The following PCSK5 variants were observed in gnomAD, a reference collection of about 807,000 sequenced individuals.
PCSK5 encodes the protein prohormone convertase 5.
Under a neutral mutation model 233.2 loss-of-function variants are expected in PCSK5, and 129 were observed. That is an observed-to-expected ratio of 0.55 (90% CI 0.48 to 0.64). The LOEUF (loss-of-function observed/expected upper bound fraction) is 0.64, where lower values mean the gene tolerates loss of function less well. Among genes scored for constraint, PCSK5 ranks in the 30% least tolerant of loss-of-function variants. The pLI is 0.00. For synonymous variants in PCSK5, 825 were observed against 879.2 expected (o/e 0.94, Z 1.09); for missense variants, 2,076 against 2,430.1 (o/e 0.85, Z 3.06).
intron 5 of PCSK5, among the ~76,000 whole-genome samples, chr9:76,029,130 G>C (rs1828551860): frequency 6.6e-6 from 1 of 152,036 alleles, no homozygotes; most frequent in African/African-American, 2.4e-5. Flanking sequence ...CTTTGCTGCT[G>C]TCTGAGCTGT....
At chr9:76,212,533 A>G (rs1186212177) in intron 20 of PCSK5, among the ~76,000 whole-genome samples, 1 of 152,218 alleles carries the variant, frequency 6.6e-6, no homozygotes, top group Non-Finnish European at 1.5e-5. Flanking sequence ...CTACGCCAGG[A>G]GTTGCTTAGT....
intron 1 of PCSK5, among the ~76,000 whole-genome samples, chr9:75,913,798 CT>C (rs992370721): frequency 1.3e-5 from 2 of 151,084 alleles, no homozygotes; most frequent in Non-Finnish European, 3.0e-5. Flanking sequence ...TTTGGCATTC[CT>C]TTTTTTTTGT....
intron 1 of PCSK5, among the ~76,000 whole-genome samples, chr9:75,928,602 T>C (rs1285248704): frequency 9.9e-5 from 9 of 91,320 alleles, no homozygotes; most frequent in South Asian, 3.2e-4. Flanking sequence ...AATACATATA[T>C]ATATATATAT....
At chr9:76,226,342 G>A (rs1325308593) in intron 20 of PCSK5, among the ~76,000 whole-genome samples, 5 of 152,178 alleles carry the variant, frequency 3.3e-5, no homozygotes, top group African/African-American at 1.2e-4. Context: ...TTACATGCTA[G>A]CTGTACCAGT....
At chr9:76,070,857 GATTAA>G (rs1367378487) in intron 6 of PCSK5, among the ~76,000 whole-genome samples, 13 of 152,144 alleles carry the variant, frequency 8.5e-5, no homozygotes, top group South Asian at 6.2e-4. Context: ...TTTTCCTAAG[GATTAA>G]ATTTGGCCTG....
At chr9:75,960,653 C>T (rs1297666000) in intron 2 of PCSK5, among the ~76,000 whole-genome samples, 2 of 152,044 alleles carry the variant, frequency 1.3e-5, no homozygotes, top group Non-Finnish European at 2.9e-5. Context: ...TTTATTATTC[C>T]CTAAATTTAT....
chr9:75,986,039 C>T (rs1484387761), intron 2 of PCSK5, 93 bp from the exon 3 acceptor site: 5 of 748,272 alleles, frequency 6.7e-6, no homozygotes, highest in Non-Finnish European at 1.2e-5. Context: ...ACTTAAATAG[C>T]CTTGACTTAC....
chr9:76,361,939 TAAACTGG>T lies in PCSK5; in HGVS notation c.*3021_*3027del, dbSNP rs1484887077. On this transcript the variant is annotated 3_prime_UTR_variant, in exon 38 of 38. Transcript: ENST00000674117. ...AGACTGAGTTTGACATTTCTTTCTG[TAAACTGG>T]AAATTGTTTTCTATGAAAAAAAAAC... The T allele has an allele frequency of 6.6e-6, 1 of 152,208 alleles. No homozygotes were observed. The highest frequency in any genetic ancestry group is 2.4e-5 in the African/African-American group (1 of 41,464). The allele number at this position is 152,208 out of a possible 1,614,324, so 9.4% of individuals were successfully genotyped here.
At chr9:76,326,676 C>T (rs561383807) in intron 32 of PCSK5, among the ~76,000 whole-genome samples, 2 of 152,214 alleles carry the variant, frequency 1.3e-5, no homozygotes, top group Admixed American at 1.3e-4. Flanking sequence ...TGTATCCACC[C>T]AGGGAATGCT....
chr9:76,321,958 T>C (rs1254425451), intron 31 of PCSK5, among the ~76,000 whole-genome samples: 1 of 151,912 alleles, frequency 6.6e-6, no homozygotes, highest in Non-Finnish European at 1.5e-5. Flanking sequence ...TCATCTTTTT[T>C]TTTTCCTTGA....
At chr9:76,040,578 A>AT (rs1252585451) in intron 5 of PCSK5, among the ~76,000 whole-genome samples, 3 of 152,160 alleles carry the variant, frequency 2.0e-5, no homozygotes, top group Non-Finnish European at 4.4e-5. Flanking sequence ...ATTAAATGTC[A>AT]TTACCAGTGC....
At chr9:76,296,383 C>A (rs1329555204) in intron 26 of PCSK5, among the ~76,000 whole-genome samples, 2 of 152,120 alleles carry the variant, frequency 1.3e-5, no homozygotes, top group African/African-American at 2.4e-5. Context: ...CCCATCTCTA[C>A]TAAAAATATA....
intron 1 of PCSK5, among the ~76,000 whole-genome samples, chr9:75,894,040 C>T (rs952918785): frequency 3.9e-5 from 6 of 152,160 alleles, no homozygotes; most frequent in Non-Finnish European, 8.8e-5. Flanking sequence ...AGTAAACCAG[C>T]TGTGGATCAG....
chr9:76,180,894 GT>G (rs33951103), intron 15 of PCSK5, among the ~76,000 whole-genome samples: 55,242 of 143,188 alleles, frequency 0.39, 11,349 homozygotes, highest in African/African-American at 0.58. Context: ...AAACAAGGAA[GT>G]TTTTTTTTTT....
At chr9:76,111,367 T>C (rs576281930) in intron 9 of PCSK5, among the ~76,000 whole-genome samples, 2 of 152,332 alleles carry the variant, frequency 1.3e-5, no homozygotes, top group East Asian at 3.9e-4. Context: ...TGTTAAGCTC[T>C]ACAGCCACCT....
intron 9 of PCSK5, among the ~76,000 whole-genome samples, chr9:76,110,477 C>T (rs10781334): frequency 0.097 from 14,797 of 152,274 alleles, 1,090 homozygotes; most frequent in East Asian, 0.36. Context: ...ATGGGTAGGA[C>T]TGTGGTTCAT....
At chr9:75,902,214 TAAAAAAA>T (rs200579439) in intron 1 of PCSK5, among the ~76,000 whole-genome samples, 42 of 53,288 alleles carry the variant, frequency 7.9e-4, no homozygotes, top group South Asian at 1.8e-3. Flanking sequence ...AGACACCATC[TAAAAAAA>T]AAAAAAAAAA....
At chr9:75,926,560 A>T (rs906373260) in intron 1 of PCSK5, among the ~76,000 whole-genome samples, 1 of 152,188 alleles carries the variant, frequency 6.6e-6, no homozygotes, top group Non-Finnish European at 1.5e-5. Context: ...CAAAATGCAA[A>T]ACATTCTCAG....
chr9:76,125,540 C>T (rs1394543154), intron 9 of PCSK5, among the ~76,000 whole-genome samples: 1 of 152,216 alleles, frequency 6.6e-6, no homozygotes, highest in Non-Finnish European at 1.5e-5. Context: ...ATTTGTCTCA[C>T]AGGACTGTCA....
Sources: gnomAD v4.1 joint callset for allele counts (sites outside exome capture counted in the v4.1 genomes callset) on GRCh38, gnomAD v4.1.1 for gene constraint, MANE v1.5 for transcripts, NCBI Gene and HGNC (gene_info 2026-07-23, HGNC 2026-07-21) for gene names.